The following CLMP variants were observed in gnomAD, a reference collection of about 807,000 sequenced individuals.
CLMP encodes the protein CXADR like cell adhesion molecule, also known as CXADR-like membrane protein.
Under a neutral mutation model 45.2 loss-of-function variants are expected in CLMP, and 27 were observed. The ratio of observed to expected loss-of-function variants is 0.60; its 90% confidence interval spans 0.44 to 0.82. The LOEUF (loss-of-function observed/expected upper bound fraction) is 0.82. Among genes scored for constraint, CLMP ranks in the 40% least tolerant of loss-of-function variants. The pLI, the probability that CLMP is intolerant of heterozygous loss-of-function variation, is 0.00. For synonymous variants in CLMP, 167 were observed against 171.4 expected (o/e 0.97, Z 0.20); for missense variants, 403 against 448.4 (o/e 0.90, Z 0.91).
At chr11:123,076,935 G>T (rs535394006) in intron 5 of CLMP, among the ~76,000 whole-genome samples, 1 of 150,480 alleles carries the variant, frequency 6.6e-6, no homozygotes, top group South Asian at 2.1e-4. Context: ...ATAGAAACAA[G>T]TACATGGATA....
intron 2 of CLMP, among the ~76,000 whole-genome samples, chr11:123,085,484 G>C (rs987377905): frequency 6.6e-6 from 1 of 151,446 alleles, no homozygotes; most frequent in African/African-American, 2.4e-5. Flanking sequence ...CTTGGCCTCA[G>C]GTGATCCACC....
intron 5 of CLMP, among the ~76,000 whole-genome samples, chr11:123,078,060 C>G (rs1281000933): frequency 6.6e-6 from 1 of 151,652 alleles, no homozygotes; most frequent in African/African-American, 2.4e-5. Flanking sequence ...GAGCCGAGAT[C>G]GCACCATTGC....
intron 1 of CLMP, among the ~76,000 whole-genome samples, chr11:123,158,408 G>A (rs1177133664): frequency 1.3e-5 from 2 of 152,180 alleles, no homozygotes; most frequent in African/African-American, 2.4e-5. Context: ...CAGGATCGGC[G>A]GAAGGTTTGA....
At chr11:123,143,451 C>CA (rs1861193204) in intron 1 of CLMP, among the ~76,000 whole-genome samples, 1 of 151,180 alleles carries the variant, frequency 6.6e-6, no homozygotes, top group South Asian at 2.1e-4. Context: ...AACAACCTTG[C>CA]AGCAGACTGG....
chr11:123,176,606 C>G (rs752928736), intron 1 of CLMP, among the ~76,000 whole-genome samples: 1 of 152,194 alleles, frequency 6.6e-6, no homozygotes, highest in Non-Finnish European at 1.5e-5. Context: ...CTGTTCTCTC[C>G]TGGCTCCTTA....
intron 1 of CLMP, among the ~76,000 whole-genome samples, chr11:123,099,353 C>A (rs1475238357): frequency 6.6e-6 from 1 of 152,074 alleles, no homozygotes; most frequent in Non-Finnish European, 1.5e-5. Context: ...GATGAAAAGA[C>A]AATTACACAA....
At chr11:123,136,723 C>G (rs541674065) in intron 1 of CLMP, among the ~76,000 whole-genome samples, 6 of 151,274 alleles carry the variant, frequency 4.0e-5, no homozygotes, top group African/African-American at 1.5e-4. Context: ...ACATGCCACC[C>G]TGCCTGGCTA....
At chr11:123,150,476 AAAG>A (rs1861306107) in intron 1 of CLMP, among the ~76,000 whole-genome samples, 1 of 60,650 alleles carries the variant, frequency 1.6e-5, no homozygotes, top group Non-Finnish European at 3.4e-5. Flanking sequence ...AGAAAGAAAG[AAAG>A]AAAGGAAGGA....
At chr11:123,186,156 T>C (rs1360199482) in intron 1 of CLMP, among the ~76,000 whole-genome samples, 3 of 152,258 alleles carry the variant, frequency 2.0e-5, no homozygotes, top group Admixed American at 6.5e-5. Context: ...CCTTACCTCT[T>C]ATGTCTCACT....
intron 1 of CLMP, among the ~76,000 whole-genome samples, chr11:123,162,934 A>T (rs963540211): frequency 6.6e-6 from 1 of 151,960 alleles, no homozygotes; most frequent in Non-Finnish European, 1.5e-5. Context: ...AAACCAAAAA[A>T]TAAAAAATCA....
rs550572200 is a variant in CLMP, at chr11:123,106,952, G to A, written c.29-9000C>T. ...GGAGAATGGTGTGAACCCGGGAGGC[G>A]GAGCTTGCAGTGAGCCGGATTGAGC... On this transcript the variant is annotated intron_variant, in intron 1 of 6. Transcript: ENST00000448775. 1.8e-3 allele frequency among the ~76,000 whole-genome samples: 277 copies of A among 151,828 alleles called. 4 individuals are homozygous for A. Among genetic ancestry groups the A allele is most frequent in the African/African-American group, 6.4e-3 (264 of 41,488 alleles).
intron 1 of CLMP, among the ~76,000 whole-genome samples, chr11:123,123,006 C>G (rs1860838851): frequency 6.6e-6 from 1 of 152,090 alleles, no homozygotes; most frequent in African/African-American, 2.4e-5. Context: ...TTCTTGCACC[C>G]TCATCCCTTT....
In CLMP at chr11:123,160,593, C is replaced by G. The variant is rs71488402; in HGVS notation, c.28+34320G>C. Reference sequence around the variant, plus strand: ...GACAAGTCTCTGATTGACTTGTTTTCTAAGATGTATAATAGCTTAGTCCTA... The same window carrying G: ...GACAAGTCTCTGATTGACTTGTTTTGTAAGATGTATAATAGCTTAGTCCTA... On this transcript the variant is annotated intron_variant, in intron 1 of 6. Transcript: ENST00000448775. Among the ~76,000 whole-genome samples the G allele has an allele frequency of 2.4e-4, 37 of 152,154 alleles. 1 individual carries two copies. The highest frequency in any genetic ancestry group is 2.0e-3 in the Admixed American group (31 of 15,262).
chr11:123,087,887 T>C (rs879751984), intron 2 of CLMP, among the ~76,000 whole-genome samples: 1 of 151,672 alleles, frequency 6.6e-6, no homozygotes, highest in Non-Finnish European at 1.5e-5. Context: ...TGTTGTACTC[T>C]GTAGGGTAGG....
In CLMP at chr11:123,073,184, A is replaced by T. The variant is rs973969064; in HGVS notation, c.*290T>A. 2 of 302,232 alleles carry T rather than the reference A, an allele frequency of 6.6e-6. No homozygotes were observed. The highest frequency in any genetic ancestry group is 4.3e-5 in the African/African-American group (2 of 46,568). The allele number at this position is 302,232 out of a possible 1,614,324, so 18.7% of individuals were successfully genotyped here. The stretch of plus-strand genomic sequence containing the variant: ...AGGTATATTCACCTCACCTTTCCCC[A>T]ACCTTCTCACCACAGGTCCTGGTCA... On this transcript the variant is annotated 3_prime_UTR_variant, in exon 7 of 7. Coordinates refer to ENST00000448775, the MANE Select transcript of CLMP (RefSeq NM_024769.5).
At chr11:123,155,493 C>T (rs1269969840) in intron 1 of CLMP, among the ~76,000 whole-genome samples, 5 of 152,178 alleles carry the variant, frequency 3.3e-5, no homozygotes, top group African/African-American at 7.2e-5. Flanking sequence ...TTGGTACTTA[C>T]GCCCATCGTG....
chr11:123,179,771 C>T (rs1035808031), intron 1 of CLMP, among the ~76,000 whole-genome samples: 6 of 152,200 alleles, frequency 3.9e-5, no homozygotes, highest in African/African-American at 1.4e-4. Flanking sequence ...GAGCTTTGGG[C>T]TGGGAGCCAG....
intron 1 of CLMP, among the ~76,000 whole-genome samples, chr11:123,191,780 T>C (rs960927116): frequency 9.2e-5 from 14 of 152,198 alleles, no homozygotes; most frequent in African/African-American, 2.7e-4. Context: ...TCCAATTATC[T>C]CTTAACAAAT....
rs774784052 is a variant in CLMP, at chr11:123,073,779, A to G, written c.822-5T>C. 1.9e-6 allele frequency: 3 copies of G among 1,566,562 alleles called. No homozygotes were observed. In the South Asian group the frequency reaches 3.6e-5, roughly 19 times the overall value. On this transcript the variant is annotated splice_polypyrimidine_tract_variant and splice_region_variant and intron_variant, in intron 6 of 6. Transcript: ENST00000448775. The stretch of plus-strand genomic sequence containing the variant: ...TTTGGAGCTTCAGCATCTTCTCTGA[A>G]GAGAAAAAACAGCAAAGATTAACAC...
Sources: allele counts gnomAD v4.1 joint callset (sites outside exome capture counted in the v4.1 genomes callset), GRCh38; gene constraint gnomAD v4.1.1; transcripts MANE v1.5; gene names NCBI Gene and HGNC (gene_info 2026-07-23, HGNC 2026-07-21).